Variants in DAB1 observed in about 807,000 individuals in gnomAD.
The protein encoded by DAB1 is disabled homolog 1.
Under a neutral mutation model 64.6 loss-of-function variants are expected in DAB1, and 15 were observed. That is an observed-to-expected ratio of 0.23 (90% CI 0.16 to 0.36). The LOEUF is 0.36. DAB1 is among the 10% of genes least tolerant of loss of function. DAB1 has a pLI of 1.00. For missense variants in DAB1, 596 were observed against 706.7 expected, an observed-to-expected ratio of 0.84 and a Z score of 1.78; for synonymous variants, 235 against 251.9, an observed-to-expected ratio of 0.93 and a Z score of 0.64.
intron 4 of DAB1, among the ~76,000 whole-genome samples, chr1:57,096,117 G>T (rs1282134300): frequency 6.6e-6 from 1 of 152,096 alleles, no homozygotes; most frequent in East Asian, 1.9e-4. Context: ...ATTATCTATA[G>T]TTAACTGATA....
At chr1:58,403,518 A>G (rs1023169010) in intron 3 of DAB1, among the ~76,000 whole-genome samples, 6 of 152,192 alleles carry the variant, frequency 3.9e-5, no homozygotes, top group Non-Finnish European at 2.9e-5. Context: ...AACCCTCAGC[A>G]ATGTCAACTG....
chr1:57,357,436 T>G (rs1679194764), intron 1 of DAB1, among the ~76,000 whole-genome samples: 1 of 151,928 alleles, frequency 6.6e-6, no homozygotes, highest in South Asian at 2.1e-4. Flanking sequence ...ACCAACCCCA[T>G]AGTACTATAA....
intron 6 of DAB1, among the ~76,000 whole-genome samples, chr1:57,752,466 A>G (rs1019721317): frequency 6.6e-6 from 1 of 152,224 alleles, no homozygotes; most frequent in African/African-American, 2.4e-5. Context: ...AGCTTGGCTC[A>G]GCTTTTAGCT....
chr1:57,214,534 A>C (rs1410501266), intron 2 of DAB1, among the ~76,000 whole-genome samples: 1 of 152,214 alleles, frequency 6.6e-6, no homozygotes, highest in Non-Finnish European at 1.5e-5. Context: ...ATGAGTTGAT[A>C]AATTGTAACC....
chr1:57,423,667 A>T (rs908058814), intron 1 of DAB1, among the ~76,000 whole-genome samples: 2 of 151,944 alleles, frequency 1.3e-5, no homozygotes, highest in Non-Finnish European at 2.9e-5. Context: ...GGAAGTAGGG[A>T]GACAGGGGCG....
chr1:57,606,365 C>A, intron 7 of DAB1, among the ~76,000 whole-genome samples: 1 of 64,300 alleles, frequency 1.6e-5, no homozygotes. Context: ...AGTCAGTCAT[C>A]CATTCTAATC....
intron 3 of DAB1, among the ~76,000 whole-genome samples, chr1:58,426,317 A>C (rs936302055): frequency 6.6e-6 from 1 of 152,168 alleles, no homozygotes; most frequent in Non-Finnish European, 1.5e-5. Context: ...GGATTTAGAC[A>C]GGGGACTTCA....
chr1:57,848,524 C>A (rs1653384543), intron 1 of DAB1, among the ~76,000 whole-genome samples: 1 of 152,204 alleles, frequency 6.6e-6, no homozygotes, highest in African/African-American at 2.4e-5. Context: ...CTTGATGGAT[C>A]ACTTCTACTG....
intron 4 of DAB1, among the ~76,000 whole-genome samples, chr1:57,077,344 A>G (rs1439432953): frequency 6.6e-6 from 1 of 152,094 alleles, no homozygotes; most frequent in Non-Finnish European, 1.5e-5. Context: ...CGCTCCTAAT[A>G]CTGCACCTTC....
intron 5 of DAB1, among the ~76,000 whole-genome samples, chr1:58,082,419 T>TA (rs1215463580): frequency 2.2e-5 from 3 of 134,264 alleles, no homozygotes; most frequent in African/African-American, 9.2e-5. Context: ...AGCCAAAACT[T>TA]AAATAAAAAA....
chr1:57,729,708 C>T (rs907381521), intron 6 of DAB1, among the ~76,000 whole-genome samples: 3 of 152,128 alleles, frequency 2.0e-5, no homozygotes, highest in Non-Finnish European at 4.4e-5. Context: ...CTTCTGCAAA[C>T]ATTATAATTT....
At chr1:57,964,990 G>A (rs959837418) in intron 5 of DAB1, among the ~76,000 whole-genome samples, 1 of 128,370 alleles carries the variant, frequency 7.8e-6, no homozygotes, top group Non-Finnish European at 1.8e-5. Context: ...CACCCAAGAA[G>A]ACTCACTAAG....
At chr1:58,300,544 A>AAAAGAAAG (rs71043285) in intron 4 of DAB1, among the ~76,000 whole-genome samples, 32 of 101,178 alleles carry the variant, frequency 3.2e-4, no homozygotes, top group African/African-American at 6.4e-4. Context: ...TGAAACTCTG[A>AAAAGAAAG]AAAGAAAGAA....
chr1:58,275,124 C>T (rs1168005552), intron 4 of DAB1, among the ~76,000 whole-genome samples: 1 of 152,164 alleles, frequency 6.6e-6, no homozygotes, highest in East Asian at 1.9e-4. Flanking sequence ...AATTGGATGT[C>T]CACATATAAA....
intron 4 of DAB1, among the ~76,000 whole-genome samples, chr1:57,074,496 C>T (rs12731670): frequency 0.2 from 30,057 of 152,146 alleles, 3,631 homozygotes; most frequent in Middle Eastern, 0.32. Flanking sequence ...ATGGTCATCG[C>T]CGTAGTTCTA....
At chr1:57,113,605 A>T (rs894979356) in intron 4 of DAB1, among the ~76,000 whole-genome samples, 1 of 152,226 alleles carries the variant, frequency 6.6e-6, no homozygotes, top group Non-Finnish European at 1.5e-5. Context: ...ATTTATGGAC[A>T]TTGAAATTTG....
chr1:58,226,396 T>TA (rs536296690), intron 4 of DAB1, among the ~76,000 whole-genome samples: 2,915 of 143,740 alleles, frequency 0.02, 30 homozygotes, highest in Middle Eastern at 0.043. Context: ...CCCAGATGAT[T>TA]AAAAAAAAAA....
At chr1:57,827,036 T>C (rs1331908301) in intron 1 of DAB1, among the ~76,000 whole-genome samples, 1 of 152,278 alleles carries the variant, frequency 6.6e-6, no homozygotes, top group East Asian at 1.9e-4. Context: ...GGGAAGGATG[T>C]GAATGTTATT....
intron 1 of DAB1, among the ~76,000 whole-genome samples, chr1:57,868,777 C>T (rs1254459540): frequency 6.6e-6 from 1 of 152,058 alleles, no homozygotes; most frequent in Non-Finnish European, 1.5e-5. Context: ...TAGCATAGAG[C>T]CCAGGGTCAT....
Sources: allele counts gnomAD v4.1 joint callset (sites outside exome capture counted in the v4.1 genomes callset), GRCh38; gene constraint gnomAD v4.1.1; transcripts MANE v1.5; gene names NCBI Gene and HGNC (gene_info 2026-07-23, HGNC 2026-07-21).